NELL2: variants seen among roughly 807,000 people sequenced by gnomAD.
NELL2 encodes protein kinase C-binding protein NELL2.
A neutral mutation model predicts 109.6 loss-of-function variants in NELL2; 41 were observed. The ratio of observed to expected loss-of-function variants is 0.37; its 90% CI spans 0.29 to 0.49. The LOEUF (loss-of-function observed/expected upper bound fraction) is 0.49. Ranked by LOEUF, NELL2 falls within the 20% of genes least tolerant of loss-of-function variation. The pLI is 0.98. For synonymous variants in NELL2, 355 were observed against 344.7 expected (o/e 1.03, Z -0.33); for missense variants, 900 against 1,008.3 (o/e 0.89, Z 1.45).
chr12:44,849,190 CTT>C, intron 2 of NELL2, among the ~76,000 whole-genome samples: 1 of 152,136 alleles, frequency 6.6e-6, no homozygotes, highest in Non-Finnish European at 1.5e-5. Context: ...ATAATGATAA[CTT>C]GAACTCCATT....
intron 18 of NELL2, 41 bp downstream of exon 18, chr12:44,521,959 T>G: frequency 6.2e-7 from 1 of 1,603,370 alleles, no homozygotes; most frequent in Non-Finnish European, 8.5e-7. Context: ...ATTTAGATTC[T>G]GGGCCTAAAT....
chr12:44,695,881 G>A (rs1188787524), intron 12 of NELL2, among the ~76,000 whole-genome samples: 1 of 152,170 alleles, frequency 6.6e-6, no homozygotes, highest in African/African-American at 2.4e-5. Context: ...CTACTTGGGA[G>A]GCTGAGGTGG....
At chr12:44,520,768 T>C (rs1941488918) in intron 18 of NELL2, among the ~76,000 whole-genome samples, 1 of 152,198 alleles carries the variant, frequency 6.6e-6, no homozygotes, top group Non-Finnish European at 1.5e-5. Context: ...GGAATTGATT[T>C]CATTCCTTTT....
chr12:44,575,480 T>TA (rs1441458767), intron 15 of NELL2, among the ~76,000 whole-genome samples: 1 of 152,220 alleles, frequency 6.6e-6, no homozygotes, highest in African/African-American at 2.4e-5. Context: ...ATCAGAGAGA[T>TA]ATGGAGCCAA....
chr12:44,615,434 T>G (rs1227793102), intron 13 of NELL2, among the ~76,000 whole-genome samples: 1 of 152,130 alleles, frequency 6.6e-6, no homozygotes, highest in Non-Finnish European at 1.5e-5. Flanking sequence ...AATCCTTATA[T>G]TAACTAAAAA....
At chr12:44,680,225 C>T (rs1351927607) in intron 12 of NELL2, among the ~76,000 whole-genome samples, 5 of 152,140 alleles carry the variant, frequency 3.3e-5, no homozygotes, top group Non-Finnish European at 5.9e-5. Context: ...AGAGCCACTC[C>T]AATTTCCAAT....
chr12:44,520,633 A>G (rs1259087201), intron 18 of NELL2, among the ~76,000 whole-genome samples: 1 of 152,106 alleles, frequency 6.6e-6, no homozygotes, highest in Non-Finnish European at 1.5e-5. Flanking sequence ...TCCTTTATGC[A>G]TAAAGAATGT....
chr12:44,656,587 G>T (rs1456754589), intron 13 of NELL2, among the ~76,000 whole-genome samples: 1 of 152,224 alleles, frequency 6.6e-6, no homozygotes, highest in Non-Finnish European at 1.5e-5. Context: ...TAAAGGAAAA[G>T]TGTACAAGGC....
chr12:44,568,128 A>G (rs1943728399), intron 15 of NELL2, among the ~76,000 whole-genome samples: 1 of 152,290 alleles, frequency 6.6e-6, no homozygotes, highest in Non-Finnish European at 1.5e-5. Context: ...AGATGAGACA[A>G]AGGTTGAAAA....
At chr12:44,660,867 G>A (rs1051667913) in intron 13 of NELL2, among the ~76,000 whole-genome samples, 1 of 152,118 alleles carries the variant, frequency 6.6e-6, no homozygotes, top group African/African-American at 2.4e-5. Context: ...AGGCATGAGT[G>A]GGGCAGGAGA....
intron 3 of NELL2, among the ~76,000 whole-genome samples, chr12:44,807,470 T>G (rs2136666387): frequency 6.6e-6 from 1 of 151,954 alleles, no homozygotes; most frequent in Middle Eastern, 3.4e-3. Context: ...ATGATAAGCT[T>G]CTGTCTTAAA....
intron 2 of NELL2, among the ~76,000 whole-genome samples, chr12:44,827,320 T>A (rs1425803531): frequency 6.6e-6 from 1 of 152,110 alleles, no homozygotes. Flanking sequence ...TATACTCTTT[T>A]AGTTATTTTT....
At chr12:44,819,999 G>C (rs1052290486) in intron 2 of NELL2, among the ~76,000 whole-genome samples, 1 of 152,022 alleles carries the variant, frequency 6.6e-6, no homozygotes, top group African/African-American at 2.4e-5. Context: ...GCCTCAGGAT[G>C]GTCTCCTCAC....
chr12:44,627,057 T>C (rs760337721), intron 13 of NELL2, among the ~76,000 whole-genome samples: 1 of 152,134 alleles, frequency 6.6e-6, no homozygotes, highest in African/African-American at 2.4e-5. Flanking sequence ...GTATGTCCCA[T>C]GCTCGTCAAA....
At chr12:44,724,904 T>G (rs1938991472) in intron 9 of NELL2, among the ~76,000 whole-genome samples, 1 of 150,294 alleles carries the variant, frequency 6.7e-6, no homozygotes, top group Non-Finnish European at 1.5e-5. Context: ...AGCATGGTAC[T>G]GGTATAAAAA....
intron 2 of NELL2, among the ~76,000 whole-genome samples, chr12:44,823,476 G>A (rs1943607942): frequency 6.6e-6 from 1 of 152,104 alleles, no homozygotes; most frequent in Non-Finnish European, 1.5e-5. Flanking sequence ...CACGTACAAT[G>A]AGATCATGCG....
upstream of NELL2, among the ~76,000 whole-genome samples, chr12:44,915,794 A>C: frequency 6.6e-6 from 1 of 152,284 alleles, no homozygotes; most frequent in South Asian, 2.1e-4. Context: ...GCAAAAAAAA[A>C]TGGGGAAAAT....
chr12:44,707,111 G>A (rs961758158), intron 11 of NELL2, among the ~76,000 whole-genome samples: 15 of 152,060 alleles, frequency 9.9e-5, no homozygotes, highest in African/African-American at 1.4e-4. Context: ...GAATAACCTC[G>A]TTATCACTCA....
intron 13 of NELL2, among the ~76,000 whole-genome samples, chr12:44,633,278 A>G (rs1385823412): frequency 2.0e-5 from 3 of 152,082 alleles, no homozygotes; most frequent in Admixed American, 2.0e-4. Flanking sequence ...GGAGAGAAAA[A>G]AGCCAGTTTA....
Sources: allele counts gnomAD v4.1 joint callset (sites outside exome capture counted in the v4.1 genomes callset), GRCh38; gene constraint gnomAD v4.1.1; transcripts MANE v1.5; gene names NCBI Gene and HGNC (gene_info 2026-07-23, HGNC 2026-07-21).